PSEN1: variants seen among roughly 807,000 people sequenced by gnomAD.
PSEN1 encodes the protein presenilin 1.
In PSEN1, 15 loss-of-function variants were observed where a neutral mutation model predicts 53.5. The observed-to-expected ratio is 0.28, with a 90% CI of 0.19 to 0.43. PSEN1 has a LOEUF of 0.43. Among genes scored for constraint, PSEN1 ranks in the 20% least tolerant of loss-of-function variants. PSEN1 has a pLI of 1.00. For synonymous variants in PSEN1, 208 were observed against 209.8 expected (o/e 0.99, Z 0.08); for missense variants, 387 against 571.2 (o/e 0.68, Z 3.29).
At chr14:73,147,588 G>T in intron 1 of PSEN1, 1 of 216,418 alleles carries the variant, frequency 4.6e-6, no homozygotes, top group South Asian at 6.9e-5. Context: ...GTATCTTTGT[G>T]GTTGAAAATG....
intron 9 of PSEN1, chr14:73,208,803 G>A: frequency 2.2e-6 from 1 of 453,840 alleles, no homozygotes; most frequent in Non-Finnish European, 4.4e-6. Context: ...CTTCACCAGG[G>A]AACTTCCCCT....
chr14:73,215,168 C>T (rs1899861834), intron 10 of PSEN1, among the ~76,000 whole-genome samples: 1 of 150,674 alleles, frequency 6.6e-6, no homozygotes, highest in Admixed American at 6.6e-5. Context: ...ACCATGTTGG[C>T]CAGGCTGGTC....
chr14:73,150,302 A>C (rs559498366), intron 3 of PSEN1, among the ~76,000 whole-genome samples: 23 of 152,302 alleles, frequency 1.5e-4, no homozygotes, highest in African/African-American at 5.3e-4. Flanking sequence ...TATGACAAAA[A>C]ATTGCAGATA....
chr14:73,166,328 TAGAA>T (rs1374765794), intron 3 of PSEN1, among the ~76,000 whole-genome samples: 4 of 152,138 alleles, frequency 2.6e-5, no homozygotes, highest in Admixed American at 2.6e-4. Flanking sequence ...TGTGGTGCCA[TAGAA>T]AGAAAACAAG....
At chr14:73,204,426 T>C (rs562909101) in intron 8 of PSEN1, among the ~76,000 whole-genome samples, 19 of 152,032 alleles carry the variant, frequency 1.2e-4, no homozygotes, top group Non-Finnish European at 2.4e-4. Flanking sequence ...AAATATACTA[T>C]TTATGATAAT....
intron 8 of PSEN1, among the ~76,000 whole-genome samples, chr14:73,205,841 A>T (rs1165832921): frequency 6.6e-6 from 1 of 152,190 alleles, no homozygotes; most frequent in Non-Finnish European, 1.5e-5. Flanking sequence ...ATATACATGT[A>T]TTTTTGTAGA....
intron 7 of PSEN1, among the ~76,000 whole-genome samples, chr14:73,193,288 T>C (rs568093198): frequency 6.6e-6 from 1 of 152,038 alleles, no homozygotes; most frequent in African/African-American, 2.4e-5. Flanking sequence ...CCAGCCTGGG[T>C]GATAGAACAA....
intron 3 of PSEN1, among the ~76,000 whole-genome samples, chr14:73,164,941 T>C (rs1897662959): frequency 6.6e-6 from 1 of 152,206 alleles, no homozygotes; most frequent in South Asian, 2.1e-4. Flanking sequence ...CCAACACTTC[T>C]GTCACAAAAT....
chr14:73,149,320 T>C (rs1038247376), intron 3 of PSEN1, among the ~76,000 whole-genome samples: 10 of 151,752 alleles, frequency 6.6e-5, no homozygotes, highest in African/African-American at 1.9e-4. Context: ...AGAGGTTCTG[T>C]GTTTTTTTTT....
At chr14:73,160,775 GT>G (rs1386620215) in intron 3 of PSEN1, among the ~76,000 whole-genome samples, 1 of 88,636 alleles carries the variant, frequency 1.1e-5, no homozygotes. Context: ...CTGATGATTT[GT>G]TTTTTTCCAA....
chr14:73,172,239 T>C (rs546195102), intron 4 of PSEN1, among the ~76,000 whole-genome samples: 44 of 152,308 alleles, frequency 2.9e-4, no homozygotes, highest in African/African-American at 1.0e-3. Flanking sequence ...ACGACTCTCA[T>C]GGGGTCCAAA....
chr14:73,217,968 A>G (rs1472673603), intron 11 of PSEN1, among the ~76,000 whole-genome samples: 1 of 151,204 alleles, frequency 6.6e-6, no homozygotes, highest in African/African-American at 2.4e-5. Context: ...TTGTATTTTT[A>G]GTAGAAACAG....
At chr14:73,212,389 G>A (rs921203592) in intron 10 of PSEN1, among the ~76,000 whole-genome samples, 2 of 152,208 alleles carry the variant, frequency 1.3e-5, no homozygotes, top group East Asian at 3.9e-4. Flanking sequence ...GATTACAGGC[G>A]TGAGCCACTG....
intron 10 of PSEN1, among the ~76,000 whole-genome samples, chr14:73,214,633 A>G (rs1176721147): frequency 6.6e-6 from 1 of 152,306 alleles, no homozygotes; most frequent in Non-Finnish European, 1.5e-5. Flanking sequence ...TTTAAAAAGG[A>G]AGGGAATTCT....
Position 73,222,735 on chromosome 14 carries a change from A to G in PSEN1, c.*3446A>G, listed in dbSNP as rs1042734953. The stretch of plus-strand genomic sequence containing the variant: ...CTCTAAAATATTGGGTATTTGTCAA[A>G]TAACCACTTTTAACAGTTACCATTA... On this transcript the variant is annotated 3_prime_UTR_variant, in exon 12 of 12. Transcript: ENST00000324501. 1.3e-5 allele frequency: 2 copies of G among 152,228 alleles called. No homozygotes were observed. Among genetic ancestry groups the G allele is most frequent in the African/African-American group, 4.8e-5 (2 of 41,462 alleles). The allele number at this position is 152,228 out of a possible 1,614,324, so 9.4% of individuals were successfully genotyped here.
chr14:73,200,493 T>A (rs1332488435), intron 8 of PSEN1, among the ~76,000 whole-genome samples: 8 of 152,128 alleles, frequency 5.3e-5, no homozygotes, highest in Admixed American at 5.2e-4. Flanking sequence ...TGGTCTCAAG[T>A]GATCCAACTG....
intron 5 of PSEN1, among the ~76,000 whole-genome samples, chr14:73,176,936 T>C (rs1393156017): frequency 6.6e-6 from 1 of 152,234 alleles, no homozygotes; most frequent in Non-Finnish European, 1.5e-5. Context: ...TCTCTTTTCA[T>C]GCCTCCATGG....
intron 3 of PSEN1, among the ~76,000 whole-genome samples, chr14:73,148,637 A>G (rs1045631658): frequency 2.6e-5 from 4 of 152,202 alleles, no homozygotes; most frequent in African/African-American, 4.8e-5. Context: ...TAATCATCAT[A>G]AAGTGAGAGC....
chr14:73,173,761 T>C, intron 5 of PSEN1, 54 bp downstream of exon 5: 2 of 1,583,816 alleles, frequency 1.3e-6, no homozygotes, highest in Non-Finnish European at 1.7e-6. Flanking sequence ...TATGGTTGGG[T>C]ATTCTTGTCA....
Sources: allele counts gnomAD v4.1 joint callset (sites outside exome capture counted in the v4.1 genomes callset), GRCh38; gene constraint gnomAD v4.1.1; transcripts MANE v1.5; gene names NCBI Gene and HGNC (gene_info 2026-07-23, HGNC 2026-07-21).